Variants in TTC39B observed in about 807,000 individuals in gnomAD.
TTC39B encodes tetratricopeptide repeat domain 39B.
A neutral mutation model predicts 96.6 loss-of-function variants in TTC39B; 92 were observed. That is an observed-to-expected ratio of 0.95 (90% confidence interval 0.80 to 1.13). TTC39B has a LOEUF of 1.13. Ranked by LOEUF, TTC39B falls within the 50% of genes most tolerant of loss-of-function variation. The probability of loss-of-function intolerance (pLI) is 0.00; values close to 1 mark genes in which losing one functional copy is unlikely to be tolerated. For missense variants in TTC39B, 955 were observed against 809.3 expected (o/e 1.18, Z -2.18); for synonymous variants, 367 against 299.4 (o/e 1.23, Z -2.33).
chr9:15,167,411 C>T (rs1242954702), exon 20 of TTC39B: 2 of 151,402 alleles, frequency 1.3e-5, no homozygotes, highest in Admixed American at 6.6e-5. Context: ...ACATTAATAA[C>T]AAAGCAATGG....
chr9:15,298,559 C>T (rs1457517770), intron 1 of TTC39B, among the ~76,000 whole-genome samples: 2 of 152,092 alleles, frequency 1.3e-5, no homozygotes, highest in Non-Finnish European at 2.9e-5. Flanking sequence ...AACATCAGAT[C>T]CCATGAGACT....
chr9:15,287,363 A>G (rs958661713), intron 1 of TTC39B, among the ~76,000 whole-genome samples: 8 of 152,242 alleles, frequency 5.3e-5, no homozygotes, highest in African/African-American at 1.4e-4. Context: ...GAAAGCTGAG[A>G]AACAGCTAGA....
intron 6 of TTC39B, among the ~76,000 whole-genome samples, chr9:15,207,983 CAAAAAAAAAAAA>C: frequency 1.2e-5 from 1 of 84,620 alleles, no homozygotes; most frequent in African/African-American, 4.7e-5. Flanking sequence ...GACTTGGTCT[CAAAAAAAAAAAA>C]AAAAAAAAAG....
intron 1 of TTC39B, among the ~76,000 whole-genome samples, chr9:15,269,865 GAA>G (rs35716121): frequency 2.1e-4 from 29 of 140,582 alleles, no homozygotes; most frequent in South Asian, 2.4e-4. Context: ...CAAAAAAAAA[GAA>G]AAAAAAAAAA....
exon 20 of TTC39B, chr9:15,167,282 G>C (rs1817548483): frequency 7.6e-6 from 1 of 131,670 alleles, no homozygotes; most frequent in Non-Finnish European, 1.6e-5. Flanking sequence ...CTGGTCCCAA[G>C]TGACGCCCCC....
chr9:15,241,686 T>C (rs1438133822), intron 2 of TTC39B, among the ~76,000 whole-genome samples: 2 of 152,022 alleles, frequency 1.3e-5, no homozygotes, highest in East Asian at 3.9e-4. Context: ...TTAAGAAAAC[T>C]ATAGCATCTA....
At chr9:15,281,625 C>CAAAA (rs1161175672) in intron 1 of TTC39B, among the ~76,000 whole-genome samples, 2,428 of 48,878 alleles carry the variant, frequency 0.05, 67 homozygotes, top group Non-Finnish European at 0.06. Flanking sequence ...CCTGCAACAG[C>CAAAA]AAAAAAAAAA....
At chr9:15,259,295 C>T (rs80326603) in intron 2 of TTC39B, among the ~76,000 whole-genome samples, 2,264 of 152,264 alleles carry the variant, frequency 0.015, 58 homozygotes, top group African/African-American at 0.052. Flanking sequence ...GAGGACACCA[C>T]CAACCTGATC....
chr9:15,249,928 CA>C, intron 2 of TTC39B: 1 of 1,276,342 alleles, frequency 7.8e-7, no homozygotes, highest in Non-Finnish European at 1.0e-6. Context: ...AGATTTAGAG[CA>C]GCTGTAACTT....
chr9:15,176,064 G>C (rs1817921221), intron 18 of TTC39B, among the ~76,000 whole-genome samples: 1 of 152,172 alleles, frequency 6.6e-6, no homozygotes, highest in South Asian at 2.1e-4. Flanking sequence ...AATTTACATT[G>C]TCTAAATGAT....
chr9:15,204,834 G>T (rs1039882105), intron 6 of TTC39B, among the ~76,000 whole-genome samples: 1 of 152,282 alleles, frequency 6.6e-6, no homozygotes, highest in East Asian at 1.9e-4. Context: ...ACAAAAAGGG[G>T]TTAGGTGGGG....
At chr9:15,283,221 A>G (rs1823833661) in intron 1 of TTC39B, among the ~76,000 whole-genome samples, 1 of 152,230 alleles carries the variant, frequency 6.6e-6, no homozygotes, top group Non-Finnish European at 1.5e-5. Flanking sequence ...GTGGAATATC[A>G]CTAAAGACAG....
At chr9:15,242,497 C>T (rs141470440) in intron 2 of TTC39B, among the ~76,000 whole-genome samples, 5 of 152,186 alleles carry the variant, frequency 3.3e-5, no homozygotes, top group Non-Finnish European at 5.9e-5. Flanking sequence ...GCGGGAGGAT[C>T]GCTTGAAACA....
chr9:15,190,722 C>T (rs1818810536), intron 10 of TTC39B, 60 bp from the exon 11 acceptor site: 1 of 1,381,282 alleles, frequency 7.2e-7, no homozygotes, highest in Non-Finnish European at 1.0e-6. Flanking sequence ...TATTCAGAAA[C>T]TTTTTAAACA....
intron 1 of TTC39B, among the ~76,000 whole-genome samples, chr9:15,296,454 C>T (rs1289543779): frequency 6.6e-6 from 1 of 152,094 alleles, no homozygotes; most frequent in Non-Finnish European, 1.5e-5. Context: ...AAAAATATTC[C>T]CCAAATACAG....
chr9:15,293,515 T>C (rs585002), intron 1 of TTC39B, among the ~76,000 whole-genome samples: 111,771 of 152,006 alleles, frequency 0.74, 42,332 homozygotes, highest in East Asian at 0.9. Context: ...CACATCAGAA[T>C]GGCTGATGTT....
rs1235095254 is a variant in TTC39B, at chr9:15,188,025, C to G, written c.1341G>C (p.Trp447Cys). 4 of 1,612,620 alleles carry G rather than the reference C, an allele frequency of 2.5e-6. No homozygotes were observed. The African/African-American group carries it at 4.0e-5, about 16-fold the overall frequency. Residue 447 changes from tryptophan to cysteine, a missense_variant, in exon 14 of 20, where the codon TGG becomes TGC. Coordinates refer to ENST00000512701, the Ensembl canonical transcript of TTC39B. ...GATCTGAATAGTAATATGCCTGCAT[C>G]CAGTTTTGTTGGAAAACATTAATCC...
At chr9:15,183,233 T>C in intron 16 of TTC39B, 1 of 330,092 alleles carries the variant, frequency 3.0e-6, no homozygotes, top group South Asian at 2.3e-5. Flanking sequence ...AGCAAAGGTA[T>C]CTTTATCTTA....
chr9:15,209,676 A>C (rs1820074253), intron 6 of TTC39B, among the ~76,000 whole-genome samples: 1 of 152,202 alleles, frequency 6.6e-6, no homozygotes, highest in Non-Finnish European at 1.5e-5. Context: ...CATTATTCAT[A>C]TCAGTGAAAA....
Sources: allele counts gnomAD v4.1 joint callset (sites outside exome capture counted in the v4.1 genomes callset), GRCh38; gene constraint gnomAD v4.1.1; transcripts MANE v1.5; gene names NCBI Gene and HGNC (gene_info 2026-07-23, HGNC 2026-07-21).